The following WDR93 variants were observed in gnomAD, a reference collection of about 807,000 sequenced individuals.
WDR93 encodes WD repeat domain 93.
WDR93 carries 73 observed loss-of-function variants against 82.9 expected under a neutral mutation model. The ratio of observed to expected loss-of-function variants is 0.88; its 90% CI spans 0.73 to 1.07. WDR93 has a LOEUF of 1.07. Among genes scored for constraint, WDR93 ranks in the 50% least tolerant of loss-of-function variants. The pLI, the probability that WDR93 is intolerant of heterozygous loss-of-function variation, is 0.00. For synonymous variants in WDR93, 283 were observed against 300.1 expected (o/e 0.94, Z 0.59); for missense variants, 738 against 826.0 (o/e 0.89, Z 1.31).
At chr15:89,733,281 A>T in intron 13 of WDR93, 62 bp downstream of exon 13, 1 of 1,513,148 alleles carries the variant, frequency 6.6e-7, no homozygotes, top group African/African-American at 1.4e-5. Flanking sequence ...TTGCTATTTG[A>T]TAGTAAAATC....
At chr15:89,728,299 G>A (rs954167573) in intron 9 of WDR93, among the ~76,000 whole-genome samples, 3 of 152,152 alleles carry the variant, frequency 2.0e-5, no homozygotes, top group African/African-American at 7.2e-5. Flanking sequence ...AAGTATCAAT[G>A]AGGGAGCTGG....
chr15:89,729,819 T>C (rs199673634), intron 11 of WDR93, 50 bp downstream of exon 11: 162 of 1,453,064 alleles, frequency 1.1e-4, no homozygotes, highest in Non-Finnish European at 1.5e-4. Context: ...CTTGCAGACA[T>C]GTCCTTCTCC....
chr15:89,694,386 C>T lies in WDR93; in HGVS notation c.-41+3529C>T, dbSNP rs551176439. 3.3e-5 allele frequency among the ~76,000 whole-genome samples: 5 copies of T among 151,966 alleles called. No individual in the cohort carries two copies. In the South Asian group the frequency reaches 8.3e-4, roughly 25 times the overall value. On this transcript the variant is annotated intron_variant, in intron 1 of 16. Transcript: ENST00000268130. The stretch of plus-strand genomic sequence containing the variant: ...AGTAGCTGGGACTACAGGTGCCCAC[C>T]GCCATGCCCAGCTAATTTTTTGTAT...
Position 89,731,145 on chromosome 15 carries a change from C to G in WDR93, c.1211-298C>G, listed in dbSNP as rs1426109898. Among the ~76,000 whole-genome samples the G allele has an allele frequency of 2.0e-5, 3 of 152,142 alleles. 1 individual carries two copies. The South Asian group carries it at 6.2e-4, about 32-fold the overall frequency. ...TACTAATAAGACTACTTTATAGAACCCTTGTGAGAATGCAATGAAATTATG... is the reference window on the plus strand; with the variant it reads ...TACTAATAAGACTACTTTATAGAACGCTTGTGAGAATGCAATGAAATTATG... On this transcript the variant is annotated intron_variant, in intron 11 of 16. Coordinates refer to ENST00000268130, the MANE Select transcript of WDR93 (RefSeq NM_020212.2).
At chr15:89,709,343 G>A (rs549190784) in intron 4 of WDR93, among the ~76,000 whole-genome samples, 1 of 152,112 alleles carries the variant, frequency 6.6e-6, no homozygotes, top group South Asian at 2.1e-4. Context: ...TTTATTTTTT[G>A]CCTGTTAACC....
chr15:89,708,552 A>T (rs1011227112), intron 4 of WDR93, among the ~76,000 whole-genome samples: 11 of 152,172 alleles, frequency 7.2e-5, no homozygotes, highest in African/African-American at 2.4e-4. Flanking sequence ...CTAGGACAAG[A>T]GCGTCATTGC....
chr15:89,725,352 C>T (rs1021664686), intron 8 of WDR93, among the ~76,000 whole-genome samples: 2 of 151,970 alleles, frequency 1.3e-5, no homozygotes, highest in Non-Finnish European at 2.9e-5. Context: ...TGCATGGTTC[C>T]CCTTATGTAC....
intron 1 of WDR93, among the ~76,000 whole-genome samples, chr15:89,692,811 C>A (rs1211393857): frequency 1.3e-5 from 2 of 152,032 alleles, no homozygotes; most frequent in Non-Finnish European, 2.9e-5. Flanking sequence ...TTTCACCATG[C>A]TGGTCAGGCT....
rs1186946594 is a variant in WDR93, at chr15:89,715,103, A to G, written c.756+8A>G. The G allele has an allele frequency of 2.5e-6, 4 of 1,611,360 alleles. No homozygotes were observed. The highest frequency in any genetic ancestry group is 1.1e-5 in the South Asian group (1 of 90,718). On this transcript the variant is annotated splice_region_variant and intron_variant, in intron 6 of 16. Transcript: ENST00000268130. ...GTCAGACAGCCGCAACTGGTAGGAA[A>G]TATCTCTGCTTTCAGCTGATATGTT...
Position 89,737,722 on chromosome 15 carries a change from G to T in WDR93, c.1758G>T (p.Leu586=). 6.2e-7 allele frequency: 1 copy of T among 1,614,172 alleles called. No homozygotes were observed. Among genetic ancestry groups the T allele is most frequent in the Non-Finnish European group, 8.5e-7 (1 of 1,180,040 alleles). ...FAVSPDHPCF[L]LRGDYSHETA... is the part of the protein sequence containing the mutation. ...TGTCTCCAGACCATCCATGTTTCCT[G>T]CTCCGAGGTACAGAAAGGGACCAGG... The change falls in exon 15 of 17, where the codon CTG becomes CTT. Residue 586 remains leucine, a synonymous_variant. Transcript: ENST00000268130.
chr15:89,707,062 A>G (rs1377139258), intron 4 of WDR93, among the ~76,000 whole-genome samples: 4 of 152,218 alleles, frequency 2.6e-5, no homozygotes, highest in Non-Finnish European at 5.9e-5. Context: ...TGTAACCAGA[A>G]TATATAAAGA....
At chr15:89,733,861 A>C (rs1321265101) in intron 13 of WDR93, among the ~76,000 whole-genome samples, 2 of 152,210 alleles carry the variant, frequency 1.3e-5, no homozygotes, top group African/African-American at 4.8e-5. Flanking sequence ...GGATTAAGAC[A>C]ACATCCTTCC....
chr15:89,703,118 C>G lies in WDR93; in HGVS notation c.472C>G (p.Leu158Val). The change falls in exon 3 of 17, where the codon CTC becomes GTC. Residue 158 changes from leucine to valine, a missense_variant. Coordinates refer to ENST00000268130, the MANE Select transcript of WDR93 (RefSeq NM_020212.2). ...IWATDLGNEI[L>V]IAPVDEMGII... ...GGCCACAGATTTAGGGAATGAAATA[C>G]TCATTGCTCCTGTGGATGAAATGGG... 3 of 1,614,140 alleles carry G rather than the reference C, an allele frequency of 1.9e-6. No homozygotes were observed. The highest frequency in any genetic ancestry group is 2.5e-6 in the Non-Finnish European group (3 of 1,180,010).
intron 4 of WDR93, 28 bp from the exon 5 acceptor site, chr15:89,711,998 A>T: frequency 1.3e-6 from 2 of 1,574,818 alleles, no homozygotes; most frequent in Non-Finnish European, 1.7e-6. Flanking sequence ...GGCTATGCCT[A>T]CTCTATCAAC....
chr15:89,713,078 G>A (rs1043208080), intron 5 of WDR93, among the ~76,000 whole-genome samples: 6 of 149,196 alleles, frequency 4.0e-5, no homozygotes, highest in Non-Finnish European at 5.9e-5. Context: ...AGCCGAGATC[G>A]TGCCATTGCA....
chr15:89,703,454 C>A, intron 3 of WDR93: 1 of 394,258 alleles, frequency 2.5e-6, no homozygotes, highest in East Asian at 5.1e-5. Flanking sequence ...GGCTTCAAAC[C>A]AGGCAGTATG....
chr15:89,701,218 G>GGCA (rs1965446480), intron 1 of WDR93, among the ~76,000 whole-genome samples: 1 of 152,002 alleles, frequency 6.6e-6, no homozygotes, highest in Non-Finnish European at 1.5e-5. Flanking sequence ...AGAACTTCTG[G>GGCA]GCAGCAGCAG....
intron 1 of WDR93, among the ~76,000 whole-genome samples, chr15:89,697,363 A>T (rs1219697800): frequency 2.6e-5 from 4 of 152,230 alleles, no homozygotes; most frequent in Non-Finnish European, 5.9e-5. Flanking sequence ...CCCTAGGAGC[A>T]TTAAAACTAT....
chr15:89,694,253 T>C (rs996665800), intron 1 of WDR93, among the ~76,000 whole-genome samples: 4 of 147,894 alleles, frequency 2.7e-5, no homozygotes, highest in African/African-American at 2.5e-5. Context: ...TATTTCTTTT[T>C]TTTTTTTTTT....
Sources: allele counts gnomAD v4.1 joint callset (sites outside exome capture counted in the v4.1 genomes callset), GRCh38; gene constraint gnomAD v4.1.1; transcripts MANE v1.5; gene names NCBI Gene and HGNC (gene_info 2026-07-23, HGNC 2026-07-21).